ITGA6: variants seen among roughly 807,000 people sequenced by gnomAD.
ITGA6 encodes the protein integrin subunit alpha 6, also known as integrin alpha-6.
ITGA6 carries 63 observed loss-of-function variants against 133.6 expected under a neutral mutation model. That is an observed-to-expected ratio of 0.47 (90% CI 0.38 to 0.58). The LOEUF (loss-of-function observed/expected upper bound fraction) is 0.58. Ranked by LOEUF, ITGA6 falls within the 20% of genes least tolerant of loss-of-function variation. The probability of loss-of-function intolerance (pLI) is 0.00; values close to 1 mark genes in which losing one functional copy is unlikely to be tolerated. For missense variants in ITGA6, 1,068 were observed against 1,309.4 expected (o/e 0.82, Z 2.85); for synonymous variants, 434 against 482.0 (o/e 0.90, Z 1.30).
At chr2:172,443,215 C>T (rs963131177) in intron 1 of ITGA6, among the ~76,000 whole-genome samples, 1 of 152,134 alleles carries the variant, frequency 6.6e-6, no homozygotes, top group African/African-American at 2.4e-5. Context: ...CTCTTTTTCT[C>T]TTGGTATGTT....
intron 13 of ITGA6, among the ~76,000 whole-genome samples, chr2:172,485,821 T>C (rs924290155): frequency 2.0e-5 from 3 of 152,206 alleles, no homozygotes; most frequent in African/African-American, 7.2e-5. Context: ...ATGGTTAAGG[T>C]GCAAGGTTAG....
chr2:172,501,744 A>G, intron 24 of ITGA6, 28 bp from the exon 25 acceptor site: 1 of 1,608,956 alleles, frequency 6.2e-7, no homozygotes, highest in Non-Finnish European at 8.5e-7. Context: ...AAACTGTAAA[A>G]TTGACTAAAT....
intron 19 of ITGA6, among the ~76,000 whole-genome samples, chr2:172,488,625 T>C (rs1480607119): frequency 6.6e-6 from 1 of 152,216 alleles, no homozygotes; most frequent in Non-Finnish European, 1.5e-5. Context: ...CATTTCAAAG[T>C]AGGCAATCAC....
intron 4 of ITGA6, among the ~76,000 whole-genome samples, 180 bp downstream of exon 4, chr2:172,469,560 T>C (rs1375081356): frequency 6.6e-6 from 1 of 152,228 alleles, no homozygotes; most frequent in African/African-American, 2.4e-5. Flanking sequence ...ATATATGTTT[T>C]GGTGTTGACA....
intron 1 of ITGA6, chr2:172,428,480 T>C (rs1003510242): frequency 4.7e-5 from 7 of 148,594 alleles, no homozygotes; most frequent in African/African-American, 7.6e-5. Flanking sequence ...CCACTTTCCA[T>C]GTGTCCTGCA....
chr2:172,431,355 C>T (rs536946015), intron 1 of ITGA6, among the ~76,000 whole-genome samples: 13 of 152,328 alleles, frequency 8.5e-5, no homozygotes, highest in African/African-American at 3.1e-4. Flanking sequence ...AAATGTTCTT[C>T]AGACCTAGAG....
chr2:172,451,292 C>G (rs1297056216), intron 1 of ITGA6, among the ~76,000 whole-genome samples: 1 of 151,860 alleles, frequency 6.6e-6, no homozygotes, highest in Non-Finnish European at 1.5e-5. Context: ...TGGTGAAACC[C>G]TGTCTCTACT....
At chr2:172,429,244 G>T (rs1326281293) in intron 1 of ITGA6, among the ~76,000 whole-genome samples, 1 of 152,034 alleles carries the variant, frequency 6.6e-6, no homozygotes, top group Non-Finnish European at 1.5e-5. Context: ...GGAGGCTCTA[G>T]GAGGGTGGTC....
chr2:172,477,703 T>G (rs930079883), intron 9 of ITGA6, among the ~76,000 whole-genome samples: 3 of 152,204 alleles, frequency 2.0e-5, no homozygotes, highest in African/African-American at 7.2e-5. Context: ...TACTTGCAGA[T>G]AGTGTGAAAG....
At chr2:172,454,628 T>C (rs1368047226) in intron 1 of ITGA6, among the ~76,000 whole-genome samples, 3 of 152,202 alleles carry the variant, frequency 2.0e-5, no homozygotes, top group Non-Finnish European at 4.4e-5. Context: ...CTGCTGTGGA[T>C]GGCAGGATGC....
At chr2:172,466,962 T>TA (rs1685703218) in intron 2 of ITGA6, among the ~76,000 whole-genome samples, 1 of 152,234 alleles carries the variant, frequency 6.6e-6, no homozygotes, top group Non-Finnish European at 1.5e-5. Context: ...TTGGCATTGA[T>TA]ACATTGTCAG....
rs1256443742 is a variant in ITGA6, at chr2:172,491,689, C to A, written c.2988+166C>A. ...ACTGCAAGCTGTATTTTAATAGAAT[C>A]ATTGAAAAAAAGAAGTAAATCTAGG... is the stretch of plus-strand genomic sequence containing the variant. On this transcript the variant is annotated intron_variant, in intron 23 of 25. Coordinates refer to ENST00000684293, the MANE Select transcript of ITGA6 (RefSeq NM_000210.4). The surrounding 1 kb of genome is among the most constrained non-coding windows in gnomAD (Gnocchi z 4.4). Among the ~76,000 whole-genome samples the A allele has an allele frequency of 1.3e-5, 2 of 152,044 alleles. No homozygotes were observed. The highest frequency in any genetic ancestry group is 4.8e-5 in the African/African-American group (2 of 41,406).
Position 172,484,682 on chromosome 2 carries a change from G to GTTT in ITGA6, c.1550-98_1550-96dup, listed in dbSNP as rs1365356568. The GTTT allele has an allele frequency of 6.1e-6, 6 of 988,290 alleles. No homozygotes were observed. In the African/African-American group the frequency reaches 9.7e-5, roughly 16 times the overall value. 61.2% of individuals were successfully genotyped at this position (988,290 alleles called of 1,614,324 possible). A position where few individuals can be genotyped will look rare whatever the true frequency, so the allele number is the denominator to read the frequency against. On this transcript the variant is annotated intron_variant, in intron 11 of 25. Coordinates refer to ENST00000684293, the MANE Select transcript of ITGA6 (RefSeq NM_000210.4). The stretch of plus-strand genomic sequence containing the variant: ...AAATATGAAGAGAAACAATGGCAAT[G>GTTT]TTTTCTACAAGGAATTAAAATCTTA...
In ITGA6 at chr2:172,504,258, G is replaced by T; in HGVS notation, c.*190G>T. The T allele has an allele frequency of 6.5e-7, 1 of 1,534,630 alleles. No individual in the cohort carries two copies. The highest frequency in any genetic ancestry group is 8.7e-7 in the Non-Finnish European group (1 of 1,145,446). ...AAAATGAAAGCTACTCATAGCGGGG[G>T]CCTAAAAAAAAAAAGCTTCACAGTA... On this transcript the variant is annotated 3_prime_UTR_variant, in exon 26 of 26. Transcript: ENST00000684293.
intron 1 of ITGA6, among the ~76,000 whole-genome samples, chr2:172,445,027 G>T (rs1207517925): frequency 6.6e-6 from 1 of 151,856 alleles, no homozygotes; most frequent in African/African-American, 2.4e-5. Context: ...GTGCAGTGGC[G>T]GGCTCTTGGC....
chr2:172,491,445 C>T lies in ITGA6; in HGVS notation c.2910C>T (p.Tyr970=), dbSNP rs780632099. The change falls in exon 23 of 26, where the codon TAC becomes TAT. Residue 970 remains tyrosine, a synonymous_variant. Coordinates refer to ENST00000684293, the MANE Select transcript of ITGA6 (RefSeq NM_000210.4). This position sits in a 1 kb window ranked among gnomAD's most constrained non-coding sequence, Gnocchi z 4.4. ...AACAGGAATATTCCAAACTGAACTA[C>T]TTGGACATTCTCATGCGAGCCTTCA... is the stretch of plus-strand genomic sequence containing the variant. ...TFLEEYSKLN[Y]LDILMRAFID... is the part of the protein sequence containing the mutation. 2.5e-6 allele frequency: 4 copies of T among 1,613,660 alleles called. No homozygotes were observed. In the South Asian group the frequency reaches 3.3e-5, roughly 13 times the overall value.
At chr2:172,449,536 G>A (rs577535033) in intron 1 of ITGA6, among the ~76,000 whole-genome samples, 2 of 152,286 alleles carry the variant, frequency 1.3e-5, no homozygotes, top group African/African-American at 4.8e-5. Flanking sequence ...TGGGACAGCT[G>A]ACTTTCACGA....
chr2:172,482,601 C>T (rs1180754390), intron 11 of ITGA6, among the ~76,000 whole-genome samples: 1 of 151,968 alleles, frequency 6.6e-6, no homozygotes, highest in East Asian at 1.9e-4. Flanking sequence ...CCTGCACCCA[C>T]ACCTCCCATA....
rs1481835253 is a variant in ITGA6, at chr2:172,491,249, A to C, written c.2807A>C (p.Asn936Thr). Residue 936 changes from asparagine (N) to threonine (T), a missense_variant, in exon 22 of 26, where the codon AAC becomes ACC. Physicochemically the swap from Asn to Thr is moderately conservative, Grantham distance 65. Coordinates refer to ENST00000684293, the MANE Select transcript of ITGA6 (RefSeq NM_000210.4). The surrounding 1 kb of genome is among the most constrained non-coding windows in gnomAD (Gnocchi z 4.4). ...TGTAGCGTGAACGTGAACTGTGTGAACATCAGATGCCCGCTGCGGGGGCTG... is the reference window on the plus strand; with the variant it reads ...TGTAGCGTGAACGTGAACTGTGTGACCATCAGATGCCCGCTGCGGGGGCTG... Reference protein sequence around the residue: ...LNCSVNVNCVNIRCPLRGLDS... With the variant: ...LNCSVNVNCVTIRCPLRGLDS... The C allele has an allele frequency of 1.2e-6, 2 of 1,612,296 alleles. No homozygotes were observed. Among genetic ancestry groups the C allele is most frequent in the South Asian group, 2.2e-5 (2 of 91,048 alleles).
Sources: gnomAD v4.1 joint callset for allele counts (sites outside exome capture counted in the v4.1 genomes callset) on GRCh38, gnomAD v4.1.1 for gene constraint, Gnocchi (gnomAD v3.1) non-coding constraint, MANE v1.5 for transcripts, NCBI Gene and HGNC (gene_info 2026-07-23, HGNC 2026-07-21) for gene names.